SIK3: variants seen among roughly 807,000 people sequenced by gnomAD.
SIK3 encodes the protein SIK family kinase 3.
SIK3 carries 28 observed loss-of-function variants against 144.2 expected under a neutral mutation model. That is an observed-to-expected ratio of 0.19 (90% CI 0.14 to 0.27). The LOEUF is 0.27. Ranked by LOEUF, SIK3 falls within the 10% of genes least tolerant of loss-of-function variation. SIK3 has a pLI of 1.00. For synonymous variants in SIK3, 686 were observed against 676.3 expected (o/e 1.01, Z -0.22); for missense variants, 1,319 against 1,776.0 (o/e 0.74, Z 4.62).
In SIK3 at chr11:117,072,251, G is replaced by T. The variant is rs148073333; in HGVS notation, c.273+25892C>A. 9.9e-3 allele frequency among the ~76,000 whole-genome samples: 1,504 copies of T among 152,182 alleles called. 26 individuals carry two copies. The highest frequency in any genetic ancestry group is 0.035 in the African/African-American group (1,460 of 41,508). Reference sequence around the variant, plus strand: ...AAAAATACAAAAATTAGCCAGGCCTGGTGGCATGTGCCTGTAATCCCAGCT... The same window carrying T: ...AAAAATACAAAAATTAGCCAGGCCTTGTGGCATGTGCCTGTAATCCCAGCT... On this transcript the variant is annotated intron_variant, in intron 1 of 24. Coordinates refer to ENST00000445177, the MANE Select transcript of SIK3 (RefSeq NM_001366686.3).
At chr11:116,965,879 G>A (rs1949529160) in intron 1 of SIK3, among the ~76,000 whole-genome samples, 1 of 149,332 alleles carries the variant, frequency 6.7e-6, no homozygotes, top group Admixed American at 6.7e-5. Context: ...AGGTTGCAGT[G>A]AGCCGAGATG....
At chr11:117,032,415 T>C (rs973803172) in intron 1 of SIK3, among the ~76,000 whole-genome samples, 1 of 152,248 alleles carries the variant, frequency 6.6e-6, no homozygotes, top group African/African-American at 2.4e-5. Context: ...TTTCTTTTGA[T>C]TGAACTGTTA....
rs191191648 is a variant in SIK3 at position 116,859,969 on chromosome 11, C to T, written c.2426-365G>A. Among the ~76,000 whole-genome samples, 785 of 152,276 alleles carry T rather than the reference C, an allele frequency of 5.2e-3. 7 individuals are homozygous for T. Among genetic ancestry groups the T allele is most frequent in the African/African-American group, 0.018 (744 of 41,554 alleles). On this transcript the variant is annotated intron_variant, in intron 19 of 24. Coordinates refer to ENST00000445177, the MANE Select transcript of SIK3 (RefSeq NM_001366686.3). Reference sequence around the variant, plus strand: ...CTGGTTAAAAATGCAGACTCTAGGCCGGGCGTGGTGGCTCACACCTGTAAT... The same window carrying T: ...CTGGTTAAAAATGCAGACTCTAGGCTGGGCGTGGTGGCTCACACCTGTAAT...
intron 3 of SIK3, among the ~76,000 whole-genome samples, chr11:116,944,596 T>C (rs895590098): frequency 2.0e-5 from 3 of 152,224 alleles, no homozygotes; most frequent in Non-Finnish European, 4.4e-5. Flanking sequence ...TAACATATCT[T>C]GTATCCACAT....
At chr11:116,934,163 TCTC>T (rs1382781611) in intron 3 of SIK3, among the ~76,000 whole-genome samples, 2 of 152,210 alleles carry the variant, frequency 1.3e-5, no homozygotes, top group Non-Finnish European at 2.9e-5. Flanking sequence ...CTATCTGTCT[TCTC>T]CACTAGAAAA....
rs1266127013 is a variant in SIK3 at position 116,846,105 on chromosome 11, T to C, written c.*13+278A>G. 6.6e-6 allele frequency among the ~76,000 whole-genome samples: 1 copy of C among 152,232 alleles called. No individual in the cohort carries two copies. The highest frequency in any genetic ancestry group is 2.4e-5 in the African/African-American group (1 of 41,456). ...AGCTCACTTCTGTCGCTATGAAGGC[T>C]AGAGCACCTGTAACACACGGCGAGT... On this transcript the variant is annotated intron_variant, in intron 24 of 24. Coordinates refer to ENST00000445177, the MANE Select transcript of SIK3 (RefSeq NM_001366686.3). The surrounding 1 kb of genome is among the most constrained non-coding windows in gnomAD (Gnocchi z 4.1).
In SIK3 at chr11:117,020,246, T is replaced by TATATATATATATATACAC; in HGVS notation, c.274-63183_274-63182insGTGTATATATATATATAT. On this transcript the variant is annotated intron_variant, in intron 1 of 24. Coordinates refer to ENST00000445177, the MANE Select transcript of SIK3 (RefSeq NM_001366686.3). Reference sequence around the variant, plus strand: ...GTATGTGTATATGTGCATATATATATACACATACATATATCTCCATGGTTC... The same window carrying TATATATATATATATACAC: ...GTATGTGTATATGTGCATATATATATATATATATATATATACACACACATACATATATCTCCATGGTTC... 2.6e-4 allele frequency among the ~76,000 whole-genome samples: 33 copies of TATATATATATATATACAC among 127,300 alleles called. 1 individual carries two copies. The highest frequency in any genetic ancestry group is 1.1e-3 in the African/African-American group (31 of 28,822). The allele number at this position is 127,300 out of a possible 152,430, so 83.5% of individuals were successfully genotyped here. A position where few individuals can be genotyped will look rare whatever the true frequency, so the allele number is the denominator to read the frequency against.
intron 1 of SIK3, among the ~76,000 whole-genome samples, chr11:116,972,246 CAGGA>C (rs1215247494): frequency 6.6e-6 from 1 of 152,120 alleles, no homozygotes; most frequent in Non-Finnish European, 1.5e-5. Context: ...ATGGCAGAGG[CAGGA>C]ATCGAAGCCA....
Position 116,858,744 on chromosome 11 carries a change from T to C in SIK3, c.2766-45A>G. 6.6e-7 allele frequency: 1 copy of C among 1,514,518 alleles called. No homozygotes were observed. Among genetic ancestry groups the C allele is most frequent in the African/African-American group, 1.4e-5 (1 of 71,810 alleles). 93.8% of individuals were successfully genotyped at this position (1,514,518 alleles called of 1,614,324 possible). A position where few individuals can be genotyped will look rare whatever the true frequency, so the allele number is the denominator to read the frequency against. On this transcript the variant is annotated intron_variant, in intron 20 of 24. Transcript: ENST00000445177. The surrounding 1 kb of genome is among the most constrained non-coding windows in gnomAD (Gnocchi z 5.4). Reference sequence around the variant, plus strand: ...TACCAGACATCCATGTAACAAGTACTAGACTTCCTGGGAACAGCTCCTCCT... The same window carrying C: ...TACCAGACATCCATGTAACAAGTACCAGACTTCCTGGGAACAGCTCCTCCT...
chr11:117,091,784 T>C (rs900245946), intron 1 of SIK3, among the ~76,000 whole-genome samples: 155 of 152,292 alleles, frequency 1.0e-3, no homozygotes, highest in African/African-American at 3.6e-3. Context: ...GCTGTTTTTC[T>C]TTTGGTTTGT....
chr11:117,013,099 T>A (rs11216229), intron 1 of SIK3, among the ~76,000 whole-genome samples: 189 of 152,218 alleles, frequency 1.2e-3, no homozygotes, highest in Middle Eastern at 3.4e-3. Flanking sequence ...GTACCCAACT[T>A]TTTAATCACC....
At chr11:116,941,428 C>T (rs1198208494) in intron 3 of SIK3, among the ~76,000 whole-genome samples, 1 of 143,750 alleles carries the variant, frequency 7.0e-6, no homozygotes, top group African/African-American at 2.5e-5. Context: ...AAAAAAGCCA[C>T]AACAAACCAG....
intron 15 of SIK3, among the ~76,000 whole-genome samples, chr11:116,865,963 A>G (rs573549): frequency 0.46 from 69,932 of 151,996 alleles, 19,073 homozygotes; most frequent in Non-Finnish European, 0.63. Flanking sequence ...CTTCCAATTC[A>G]AATAGGCTTG....
Position 116,862,213 on chromosome 11 carries a change from G to C in SIK3, c.2218C>G (p.Gln740Glu). ...GAGTGAGGGCCTACTTGAATTTGTTGCTGGAGAATTTGATGGTGCTGCTCC... is the reference window on the plus strand; with the variant it reads ...GAGTGAGGGCCTACTTGAATTTGTTCCTGGAGAATTTGATGGTGCTGCTCC... ...QQEQHHQILQ[Q>E]QIQDSICPPQ... Residue 740 changes from glutamine (Q) to glutamate (E), a missense_variant, in exon 17 of 25, where the codon CAA (glutamine) becomes GAA (glutamate). This residue lies in a region of SIK3 where 77 missense variants were observed against 141.9 expected (regional missense o/e 0.54). Transcript: ENST00000445177. 1 of 1,614,210 alleles carries C rather than the reference G, an allele frequency of 6.2e-7. No homozygotes were observed. Among genetic ancestry groups the C allele is most frequent in the Non-Finnish European group, 8.5e-7 (1 of 1,180,040 alleles).
At chr11:116,923,790 C>T (rs1385252328) in intron 4 of SIK3, among the ~76,000 whole-genome samples, 2 of 152,140 alleles carry the variant, frequency 1.3e-5, no homozygotes, top group Non-Finnish European at 2.9e-5. Flanking sequence ...GCCAGCACCC[C>T]GGAGTCTGTA....
intron 1 of SIK3, among the ~76,000 whole-genome samples, chr11:117,056,048 C>T (rs890261930): frequency 2.0e-4 from 31 of 152,176 alleles, no homozygotes; most frequent in African/African-American, 6.5e-4. Context: ...AAAGCTCTAT[C>T]AGTTTGGAGG....
intron 16 of SIK3, among the ~76,000 whole-genome samples, chr11:116,863,415 A>C (rs1156852301): frequency 2.0e-5 from 3 of 151,852 alleles, no homozygotes; most frequent in Non-Finnish European, 4.4e-5. Context: ...CTTTTGGGGG[A>C]GAAAGGGTTT....
chr11:117,016,323 G>GA (rs377283819), intron 1 of SIK3, among the ~76,000 whole-genome samples: 14,705 of 100,198 alleles, frequency 0.15, 1,345 homozygotes, highest in Admixed American at 0.23. Context: ...GAGACTCTGC[G>GA]AAAAAAAAAG....
At chr11:117,016,394 G>GAGAAGGAAGGAAGGAAGGAAGGAA (rs1951534353) in intron 1 of SIK3, among the ~76,000 whole-genome samples, 1 of 59,280 alleles carries the variant, frequency 1.7e-5, no homozygotes. Flanking sequence ...GAGGGAGGGA[G>GAGAAGGAAGGAAGGAAGGAAGGAA]GGAAGGAAGG....
Sources: gnomAD v4.1 joint callset for allele counts (sites outside exome capture counted in the v4.1 genomes callset) on GRCh38, gnomAD v4.1.1 for gene constraint, gnomAD v4.1.1 regional missense constraint, Gnocchi (gnomAD v3.1) non-coding constraint, MANE v1.5 for transcripts, NCBI Gene and HGNC (gene_info 2026-07-23, HGNC 2026-07-21) for gene names.